CUX2: variants seen among roughly 807,000 people sequenced by gnomAD.
CUX2 encodes the protein cut like homeobox 2.
In CUX2, 40 loss-of-function variants were observed where a neutral mutation model predicts 144.8. That is an observed-to-expected ratio of 0.28 (90% confidence interval 0.21 to 0.36). The LOEUF is 0.36. Ranked by LOEUF, CUX2 falls within the 10% of genes least tolerant of loss-of-function variation. The pLI, the probability that CUX2 is intolerant of heterozygous loss-of-function variation, is 1.00. For synonymous variants in CUX2, 827 were observed against 875.6 expected, an observed-to-expected ratio of 0.94 and a Z score of 0.98; for missense variants, 1,615 against 1,994.0, an observed-to-expected ratio of 0.81 and a Z score of 3.62.
At chr12:111,047,161 C>T (rs187870158) in intron 1 of CUX2, among the ~76,000 whole-genome samples, 155 of 152,320 alleles carry the variant, frequency 1.0e-3, no homozygotes, top group Non-Finnish European at 1.8e-3. Flanking sequence ...CCGCGTGGCG[C>T]GCCCTGTCGT....
intron 1 of CUX2, among the ~76,000 whole-genome samples, chr12:111,177,770 G>C (rs1191500416): frequency 6.6e-6 from 1 of 152,206 alleles, no homozygotes; most frequent in Non-Finnish European, 1.5e-5. Flanking sequence ...GGTCATTGAA[G>C]GTTTCTGACC....
At chr12:111,296,588 A>T in intron 8 of CUX2, 49 bp downstream of exon 8, 1 of 1,532,646 alleles carries the variant, frequency 6.5e-7, no homozygotes, top group East Asian at 2.4e-5. Flanking sequence ...GGCCTCCCAG[A>T]CAGGCCTCCT....
Position 111,171,208 on chromosome 12 carries a change from A to G in CUX2, c.64-42992A>G, listed in dbSNP as rs1878500038. Among the ~76,000 whole-genome samples the G allele has an allele frequency of 6.6e-6, 1 of 152,152 alleles. No individual in the cohort carries two copies. The highest frequency in any genetic ancestry group is 1.5e-5 in the Non-Finnish European group (1 of 68,020). ...ACCCCCAGTCTGATGGACGGGGTGC[A>G]GAGTATGGAAGGAAAGCCTCGAGTT... On this transcript the variant is annotated intron_variant, in intron 1 of 21. Coordinates refer to ENST00000261726, the MANE Select transcript of CUX2 (RefSeq NM_015267.4). This position sits in a 1 kb window ranked among gnomAD's most constrained non-coding sequence, Gnocchi z 5.0.
At chr12:111,297,461 C>T (rs1188833789) in intron 8 of CUX2, among the ~76,000 whole-genome samples, 1 of 152,248 alleles carries the variant, frequency 6.6e-6, no homozygotes, top group Non-Finnish European at 1.5e-5. Flanking sequence ...GCCACTCACA[C>T]ACCACAGCCA....
At chr12:111,071,831 G>T (rs1475785275) in intron 1 of CUX2, among the ~76,000 whole-genome samples, 1 of 152,094 alleles carries the variant, frequency 6.6e-6, no homozygotes, top group African/African-American at 2.4e-5. Context: ...TTGGCATGTG[G>T]CTGTCCAGTT....
At chr12:111,309,978 T>C in intron 14 of CUX2, 63 bp from the exon 15 acceptor site, 1 of 1,253,744 alleles carries the variant, frequency 8.0e-7, no homozygotes, top group African/African-American at 1.5e-5. Context: ...TCTCCCTGTC[T>C]CTCTCTCCCC....
chr12:111,089,143 T>C (rs773486933), intron 1 of CUX2, among the ~76,000 whole-genome samples: 1 of 152,222 alleles, frequency 6.6e-6, no homozygotes, highest in Non-Finnish European at 1.5e-5. Context: ...CCTGTGGTAA[T>C]GATCACGGTC....
At chr12:111,098,745 C>T (rs1327101450) in intron 1 of CUX2, among the ~76,000 whole-genome samples, 1 of 152,242 alleles carries the variant, frequency 6.6e-6, no homozygotes, top group Non-Finnish European at 1.5e-5. Context: ...TCATGTTGGT[C>T]TCCTGATTCC....
chr12:111,167,553 G>T (rs1302767384), intron 1 of CUX2, among the ~76,000 whole-genome samples: 1 of 152,216 alleles, frequency 6.6e-6, no homozygotes, highest in Non-Finnish European at 1.5e-5. Context: ...TGCAGTCATA[G>T]CCTGTGCTGC....
At chr12:111,184,430 A>G (rs747782877) in intron 1 of CUX2, among the ~76,000 whole-genome samples, 1 of 152,264 alleles carries the variant, frequency 6.6e-6, no homozygotes, top group African/African-American at 2.4e-5. Flanking sequence ...GACTGAATAG[A>G]TAAGACTCAT....
chr12:111,096,004 G>C (rs548026108), intron 1 of CUX2, among the ~76,000 whole-genome samples: 2 of 152,208 alleles, frequency 1.3e-5, no homozygotes, highest in African/African-American at 4.8e-5. Context: ...GTGCAAGTCC[G>C]AGCCTCCTCG....
At chr12:111,276,376 AAGTG>A (rs1884872314) in intron 4 of CUX2, among the ~76,000 whole-genome samples, 1 of 152,136 alleles carries the variant, frequency 6.6e-6, no homozygotes, top group Non-Finnish European at 1.5e-5. Context: ...AATAAATAAA[AAGTG>A]AGTCACATAG....
At chr12:111,197,605 A>G (rs376449139) in intron 1 of CUX2, among the ~76,000 whole-genome samples, 22 of 152,212 alleles carry the variant, frequency 1.4e-4, no homozygotes, top group African/African-American at 4.6e-4. Context: ...GACTTGAAAA[A>G]TAGCACTGGG....
rs994886098 is a variant in CUX2 at position 111,178,901 on chromosome 12, A to G, written c.64-35299A>G. ...GTCCAGGAGCGTGTCTGGACTCTGT[A>G]ACGGGGAATGACAGCAAGGGGGTCA... On this transcript the variant is annotated intron_variant, in intron 1 of 21. Coordinates refer to ENST00000261726, the MANE Select transcript of CUX2 (RefSeq NM_015267.4). The surrounding 1 kb of genome is among the most constrained non-coding windows in gnomAD (Gnocchi z 5.7). Among the ~76,000 whole-genome samples, 26 of 152,104 alleles carry G rather than the reference A, an allele frequency of 1.7e-4. No individual in the cohort carries two copies. Among genetic ancestry groups the G allele is most frequent in the Admixed American group, 4.6e-4 (7 of 15,270 alleles).
intron 3 of CUX2, among the ~76,000 whole-genome samples, chr12:111,256,489 C>G (rs571681225): frequency 1.3e-5 from 2 of 152,172 alleles, no homozygotes; most frequent in East Asian, 1.9e-4. Flanking sequence ...GTCCACCCCC[C>G]ATCATCTCTC....
chr12:111,060,684 T>C (rs1004677666), intron 1 of CUX2, among the ~76,000 whole-genome samples: 4 of 152,232 alleles, frequency 2.6e-5, no homozygotes, highest in African/African-American at 9.6e-5. Context: ...GGTTTGCGGA[T>C]ACTGAGACGA....
chr12:111,112,097 T>C (rs773216564), intron 1 of CUX2, among the ~76,000 whole-genome samples: 3 of 152,094 alleles, frequency 2.0e-5, no homozygotes, highest in South Asian at 2.1e-4. Flanking sequence ...GCTCAGGACT[T>C]GGGTGAGGGA....
In CUX2 at chr12:111,203,201, C is replaced by T. The variant is rs1293899154; in HGVS notation, c.64-10999C>T. On this transcript the variant is annotated intron_variant, in intron 1 of 21. Coordinates refer to ENST00000261726, the MANE Select transcript of CUX2 (RefSeq NM_015267.4). ...GAGCCAAGATCATGCCACTGCACTC[C>T]AGCCTGGGCAACCGAATGAGACTCT... 2.8e-5 allele frequency among the ~76,000 whole-genome samples: 4 copies of T among 143,590 alleles called. No individual in the cohort carries two copies. The Admixed American group carries it at 2.9e-4, about 10-fold the overall frequency. The allele number at this position is 143,590 out of a possible 152,430, so 94.2% of individuals were successfully genotyped here.
At chr12:111,227,369 C>A (rs1882207626) in intron 3 of CUX2, among the ~76,000 whole-genome samples, 1 of 152,134 alleles carries the variant, frequency 6.6e-6, no homozygotes, top group Non-Finnish European at 1.5e-5. Flanking sequence ...TTGCCCATTG[C>A]CAGGTTCTTC....
Sources: gnomAD v4.1 joint callset for allele counts (sites outside exome capture counted in the v4.1 genomes callset) on GRCh38, gnomAD v4.1.1 for gene constraint, Gnocchi (gnomAD v3.1) non-coding constraint, MANE v1.5 for transcripts, NCBI Gene and HGNC (gene_info 2026-07-23, HGNC 2026-07-21) for gene names.